Variants in EIF6 observed in about 807,000 individuals in gnomAD.
EIF6 encodes eukaryotic translation initiation factor 6.
EIF6 carries 10 observed loss-of-function variants against 25.5 expected under a neutral mutation model. The ratio of observed to expected loss-of-function variants is 0.39; its 90% confidence interval spans 0.24 to 0.66. The LOEUF is 0.66. EIF6 is among the 30% of genes least tolerant of loss of function. The pLI, the probability that EIF6 is intolerant of heterozygous loss-of-function variation, is 0.45. For synonymous variants in EIF6, 122 were observed against 122.6 expected (o/e 1.00, Z 0.03); for missense variants, 246 against 315.4 (o/e 0.78, Z 1.67).
In EIF6 at chr20:35,284,729, G is replaced by A. The variant is rs2060811584; in HGVS notation, c.-9C>T. The A allele has an allele frequency of 3.6e-6, 2 of 558,992 alleles. No individual in the cohort carries two copies. Among genetic ancestry groups the A allele is most frequent in the Non-Finnish European group, 6.4e-6 (2 of 314,648 alleles). 34.6% of individuals were successfully genotyped at this position (558,992 alleles called of 1,614,324 possible). A position where few individuals can be genotyped will look rare whatever the true frequency, so the allele number is the denominator to read the frequency against. On this transcript the variant is annotated 5_prime_UTR_variant, in exon 1 of 7. Transcript: ENST00000374450. ...GGTTCCCCTCACACCAGCTTACCAA[G>A]TAACCAGTAACAAGCTCCGCACGCG...
At chr20:35,283,390 A>T (rs1366576703) in intron 3 of EIF6, among the ~76,000 whole-genome samples, 1 of 152,250 alleles carries the variant, frequency 6.6e-6, no homozygotes, top group African/African-American at 2.4e-5. Context: ...AGGGAATTTA[A>T]GATTCCAACG....
intron 1 of EIF6, 75 bp downstream of exon 1, chr20:35,284,651 T>G: frequency 1.3e-6 from 1 of 797,570 alleles, no homozygotes. Context: ...CCTCCGGCCC[T>G]GAATCCTCTG....
chr20:35,281,407 CA>C (rs951557060), intron 3 of EIF6, among the ~76,000 whole-genome samples: 2 of 147,496 alleles, frequency 1.4e-5, no homozygotes, highest in Admixed American at 6.7e-5. Context: ...AACAAAAAAA[CA>C]AAAAAAACTG....
At chr20:35,280,364 C>A (rs985595813) in intron 4 of EIF6, among the ~76,000 whole-genome samples, 1 of 152,214 alleles carries the variant, frequency 6.6e-6, no homozygotes, top group African/African-American at 2.4e-5. Context: ...TCACTTCTTT[C>A]CCCTCTCACC....
chr20:35,282,449 T>G (rs908566846), intron 3 of EIF6, among the ~76,000 whole-genome samples: 2 of 152,198 alleles, frequency 1.3e-5, no homozygotes, highest in African/African-American at 4.8e-5. Flanking sequence ...TCCAGGTCAC[T>G]CCCATCATAA....
Position 35,282,531 on chromosome 20 carries a change from G to C in EIF6, c.193+1645C>G, listed in dbSNP as rs376464305. Among the ~76,000 whole-genome samples, 90 of 152,272 alleles carry C rather than the reference G, an allele frequency of 5.9e-4. 2 individuals carry two copies. In the South Asian group the frequency reaches 6.6e-3, roughly 11 times the overall value. ...TTCAAGTCCTAAGGGCATGGTTAGA[G>C]ATCAGAGTATTTTAACTGAATAGGA... On this transcript the variant is annotated intron_variant, in intron 3 of 6. Coordinates refer to ENST00000374450, the MANE Select transcript of EIF6 (RefSeq NM_002212.4).
intron 3 of EIF6, among the ~76,000 whole-genome samples, chr20:35,282,323 T>G (rs185386591): frequency 3.7e-4 from 57 of 152,280 alleles, no homozygotes; most frequent in Admixed American, 2.4e-3. Flanking sequence ...AAGTGAAAAC[T>G]GCCCAAATGC....
chr20:35,279,148 T>G lies in EIF6; in HGVS notation c.*49A>C, dbSNP rs113883267. ...CAGATTGGGCGGAATGTGGAGAAGG[T>G]TGGCCACAGTCCAGAGCCAGGAGCC... On this transcript the variant is annotated 3_prime_UTR_variant, in exon 7 of 7. Coordinates refer to ENST00000374450, the MANE Select transcript of EIF6 (RefSeq NM_002212.4). The G allele has an allele frequency of 1.2e-5, 19 of 1,613,228 alleles. No individual in the cohort carries two copies. The South Asian group carries it at 1.5e-4, about 13-fold the overall frequency.
chr20:35,280,580 T>G (rs983457221), intron 4 of EIF6, 74 bp downstream of exon 4: 2 of 1,551,834 alleles, frequency 1.3e-6, no homozygotes, highest in South Asian at 2.3e-5. Flanking sequence ...AATTGCTGCC[T>G]GTTGGGAAAG....
At chr20:35,284,533 T>C in intron 1 of EIF6, 41 bp from the exon 2 acceptor site, 1 of 1,558,762 alleles carries the variant, frequency 6.4e-7, no homozygotes, top group South Asian at 1.2e-5. Flanking sequence ...CGGCGGATCC[T>C]TTCCCAAGTA....
intron 4 of EIF6, 67 bp downstream of exon 4, chr20:35,280,587 A>G (rs1000306727): frequency 1.9e-6 from 3 of 1,567,770 alleles, no homozygotes; most frequent in South Asian, 2.3e-5. Context: ...GCCTGTTGGG[A>G]AAGAACAGTG....
chr20:35,284,735 A>G lies in EIF6; in HGVS notation c.-15T>C. On this transcript the variant is annotated 5_prime_UTR_variant, in exon 1 of 7. Coordinates refer to ENST00000374450, the MANE Select transcript of EIF6 (RefSeq NM_002212.4). ...CCTCACACCAGCTTACCAAGTAACC[A>G]GTAACAAGCTCCGCACGCGGCGACT... The G allele has an allele frequency of 3.6e-6, 2 of 550,476 alleles. No homozygotes were observed. Among genetic ancestry groups the G allele is most frequent in the Admixed American group, 3.2e-5 (1 of 31,068 alleles). The allele number at this position is 550,476 out of a possible 1,614,324, so 34.1% of individuals were successfully genotyped here. A position where few individuals can be genotyped will look rare whatever the true frequency, so the allele number is the denominator to read the frequency against.
chr20:35,279,923 A>G lies in EIF6; in HGVS notation c.546+19T>C. On this transcript the variant is annotated intron_variant, in intron 5 of 6. Transcript: ENST00000374450. ...GGATCTGCCTCGGGAGACGGGGTTC[A>G]GAGGACAGGAATGCTTACCACAAGG... 1 of 1,610,400 alleles carries G rather than the reference A, an allele frequency of 6.2e-7. No homozygotes were observed. Among genetic ancestry groups the G allele is most frequent in the Non-Finnish European group, 8.5e-7 (1 of 1,177,124 alleles).
At chr20:35,280,538 G>T in intron 4 of EIF6, 116 bp downstream of exon 4, 2 of 1,236,186 alleles carry the variant, frequency 1.6e-6, no homozygotes, top group Non-Finnish European at 2.2e-6. Context: ...AAACTCAAGA[G>T]CCCATATAGA....
intron 3 of EIF6, among the ~76,000 whole-genome samples, chr20:35,283,294 AAAT>A (rs978287449): frequency 2.8e-5 from 4 of 143,368 alleles, no homozygotes; most frequent in East Asian, 2.0e-4. Flanking sequence ...TCTCAAAAAA[AAAT>A]AATAATAATA....
Position 35,284,267 on chromosome 20 carries a change from G to C in EIF6, c.108-6C>G, listed in dbSNP as rs768922881. On this transcript the variant is annotated splice_polypyrimidine_tract_variant and splice_region_variant and intron_variant, in intron 2 of 6. Coordinates refer to ENST00000374450, the MANE Select transcript of EIF6 (RefSeq NM_002212.4). ...AGAGCTCGCCCTCGAACACACTGTA[G>C]GGACATGGACTCGGTGGTGGCGGGG... 6.2e-7 allele frequency: 1 copy of C among 1,613,724 alleles called. No individual in the cohort carries two copies. Among genetic ancestry groups the C allele is most frequent in the Non-Finnish European group, 8.5e-7 (1 of 1,180,024 alleles).
intron 6 of EIF6, 134 bp from the exon 7 acceptor site, chr20:35,279,340 C>T: frequency 7.5e-7 from 1 of 1,339,816 alleles, no homozygotes. Flanking sequence ...GCTCTAGTAT[C>T]CTAGCCCTGA....
Position 35,280,036 on chromosome 20 carries a change from T to C in EIF6, c.452A>G (p.Tyr151Cys). Residue 151 changes from tyrosine to cysteine, a missense_variant, in exon 5 of 7, where the codon TAC (tyrosine) becomes TGC (cysteine). Transcript: ENST00000374450. ...CCCTCCCTGATTGCTGAAGACACAG[T>C]AGCTTCCTACTAGCACCTGGTCGGC... ...TVADQVLVGSYCVFSNQGGLV... is the reference protein window; with the variant it reads ...TVADQVLVGSCCVFSNQGGLV... The C allele has an allele frequency of 6.2e-7, 1 of 1,614,228 alleles. No individual in the cohort carries two copies. Among genetic ancestry groups the C allele is most frequent in the Non-Finnish European group, 8.5e-7 (1 of 1,180,032 alleles).
At chr20:35,280,561 G>A (rs1453394326) in intron 4 of EIF6, 93 bp downstream of exon 4, 3 of 1,465,492 alleles carry the variant, frequency 2.0e-6, no homozygotes, top group African/African-American at 1.4e-5. Flanking sequence ...AACCACAGGA[G>A]AGACCCCTAA....
Sources: gnomAD v4.1 joint callset for allele counts (sites outside exome capture counted in the v4.1 genomes callset) on GRCh38, gnomAD v4.1.1 for gene constraint, MANE v1.5 for transcripts, NCBI Gene and HGNC (gene_info 2026-07-23, HGNC 2026-07-21) for gene names.